Variants in PLCB1 observed in about 807,000 individuals in gnomAD.
The protein encoded by PLCB1 is 1-phosphatidylinositol 4,5-bisphosphate phosphodiesterase beta-1.
Under a neutral mutation model 161.8 loss-of-function variants are expected in PLCB1, and 46 were observed. The ratio of observed to expected loss-of-function variants is 0.28; its 90% CI spans 0.22 to 0.36. The LOEUF (loss-of-function observed/expected upper bound fraction) is 0.36, where lower values mean the gene tolerates loss of function less well. Ranked by LOEUF, PLCB1 falls within the 10% of genes least tolerant of loss-of-function variation. PLCB1 has a pLI of 1.00. For synonymous variants in PLCB1, 517 were observed against 503.7 expected, an observed-to-expected ratio of 1.03 and a Z score of -0.35; for missense variants, 1,016 against 1,472.5, an observed-to-expected ratio of 0.69 and a Z score of 5.07.
At chr20:8,571,462 A>G (rs1260985694) in intron 3 of PLCB1, among the ~76,000 whole-genome samples, 1 of 152,172 alleles carries the variant, frequency 6.6e-6, no homozygotes, top group East Asian at 1.9e-4. Flanking sequence ...AGCCGGGGTG[A>G]CCAAGTGATA....
At chr20:8,376,114 A>G (rs1463978611) in intron 3 of PLCB1, among the ~76,000 whole-genome samples, 1 of 152,192 alleles carries the variant, frequency 6.6e-6, no homozygotes, top group East Asian at 1.9e-4. Flanking sequence ...GGCTCTCCCA[A>G]CTTTAGTACA....
intron 3 of PLCB1, among the ~76,000 whole-genome samples, chr20:8,545,881 T>C (rs572147495): frequency 6.9e-4 from 105 of 152,316 alleles, no homozygotes; most frequent in African/African-American, 2.3e-3. Context: ...AGTAAGATCA[T>C]ACCAGTTTTA....
At chr20:8,500,477 T>C (rs917967815) in intron 3 of PLCB1, among the ~76,000 whole-genome samples, 7 of 152,152 alleles carry the variant, frequency 4.6e-5, no homozygotes, top group African/African-American at 1.7e-4. Flanking sequence ...ATATGAGCAA[T>C]GATGGTAGGT....
At chr20:8,436,066 C>T (rs1459822916) in intron 3 of PLCB1, among the ~76,000 whole-genome samples, 2 of 152,136 alleles carry the variant, frequency 1.3e-5, no homozygotes, top group Admixed American at 6.5e-5. Context: ...TGACCAGGCA[C>T]AGTGGCTCAC....
intron 5 of PLCB1, among the ~76,000 whole-genome samples, chr20:8,647,130 A>G (rs1192245088): frequency 6.6e-6 from 1 of 152,046 alleles, no homozygotes; most frequent in Non-Finnish European, 1.5e-5. Flanking sequence ...CTCTTCCTTC[A>G]TGCCTCCACC....
At chr20:8,821,223 G>A (rs1028435371) in intron 31 of PLCB1, among the ~76,000 whole-genome samples, 3 of 151,750 alleles carry the variant, frequency 2.0e-5, no homozygotes. Flanking sequence ...GCTCATGCCT[G>A]TAAACCCAGC....
At chr20:8,409,013 T>C (rs978083371) in intron 3 of PLCB1, among the ~76,000 whole-genome samples, 1 of 152,234 alleles carries the variant, frequency 6.6e-6, no homozygotes, top group Non-Finnish European at 1.5e-5. Context: ...GTATTCAACA[T>C]TGTAATTTAA....
chr20:8,272,144 A>G lies in PLCB1; in HGVS notation c.178-99238A>G, dbSNP rs572702648. ...GCTTAGATATGGGTGGAGGGAAAGAAAAACTGGACCCTTTAAGAATTGTGT... is the reference window on the plus strand; with the variant it reads ...GCTTAGATATGGGTGGAGGGAAAGAGAAACTGGACCCTTTAAGAATTGTGT... On this transcript the variant is annotated intron_variant, in intron 2 of 31. Transcript: ENST00000338037. 1.8e-4 allele frequency among the ~76,000 whole-genome samples: 28 copies of G among 151,848 alleles called. No homozygotes were observed. The South Asian group carries it at 5.2e-3, about 28-fold the overall frequency.
chr20:8,499,148 G>C (rs1243987635), intron 3 of PLCB1, among the ~76,000 whole-genome samples: 3 of 152,148 alleles, frequency 2.0e-5, no homozygotes, highest in Non-Finnish European at 4.4e-5. Context: ...AGCCGGATGT[G>C]GTTTTCATTC....
chr20:8,156,337 A>T (rs940037791), intron 2 of PLCB1, among the ~76,000 whole-genome samples: 1 of 152,196 alleles, frequency 6.6e-6, no homozygotes, highest in African/African-American at 2.4e-5. Flanking sequence ...CACAGTGGCA[A>T]CTGGCTTGAA....
intron 3 of PLCB1, among the ~76,000 whole-genome samples, chr20:8,396,274 G>C (rs1376626681): frequency 6.6e-6 from 1 of 152,008 alleles, no homozygotes; most frequent in Non-Finnish European, 1.5e-5. Context: ...GTGTGGCAAC[G>C]TTCACTCAAG....
At chr20:8,186,632 C>G (rs529004785) in intron 2 of PLCB1, among the ~76,000 whole-genome samples, 5 of 152,220 alleles carry the variant, frequency 3.3e-5, no homozygotes, top group African/African-American at 1.2e-4. Flanking sequence ...TCTAGTTTCT[C>G]TATTTGCCTG....
intron 31 of PLCB1, among the ~76,000 whole-genome samples, chr20:8,799,516 GT>G (rs541939793): frequency 9.9e-5 from 15 of 151,834 alleles, no homozygotes; most frequent in African/African-American, 3.1e-4. Flanking sequence ...ATGTATCTCT[GT>G]TTTTTTTAAA....
chr20:8,775,539 A>C (rs1408467129), intron 27 of PLCB1, among the ~76,000 whole-genome samples: 2 of 152,190 alleles, frequency 1.3e-5, no homozygotes, highest in Non-Finnish European at 2.9e-5. Context: ...GAGCAGCTTC[A>C]GCTTGTAAGG....
At chr20:8,430,056 A>G (rs1411881461) in intron 3 of PLCB1, among the ~76,000 whole-genome samples, 3 of 151,982 alleles carry the variant, frequency 2.0e-5, no homozygotes, top group African/African-American at 2.4e-5. Flanking sequence ...GGTAGAGACA[A>G]TGGTGCCTGA....
intron 3 of PLCB1, among the ~76,000 whole-genome samples, chr20:8,483,397 A>T (rs1982588880): frequency 6.6e-6 from 1 of 152,192 alleles, no homozygotes; most frequent in Non-Finnish European, 1.5e-5. Context: ...TATCAGCTTC[A>T]ATTATTTAAA....
chr20:8,577,273 C>CA (rs60742411), intron 3 of PLCB1, among the ~76,000 whole-genome samples: 18,459 of 126,928 alleles, frequency 0.15, 1,208 homozygotes, highest in East Asian at 0.25. Flanking sequence ...ATTAAAAATA[C>CA]AAAAAAAAAA....
At chr20:8,225,530 G>A (rs1979635290) in intron 2 of PLCB1, among the ~76,000 whole-genome samples, 1 of 152,180 alleles carries the variant, frequency 6.6e-6, no homozygotes, top group African/African-American at 2.4e-5. Context: ...GATATCTTGT[G>A]TCTTGGCATA....
rs530523026 is a variant in PLCB1, at chr20:8,668,287, T to A, written c.862+9583T>A. On this transcript the variant is annotated intron_variant, in intron 9 of 31. Coordinates refer to ENST00000338037, the MANE Select transcript of PLCB1 (RefSeq NM_015192.4). ...AGTGACCAAGGATTTCAAAAATCTCTTATGGAGATTCTGGAAGGTCTGTCT... is the reference window on the plus strand; with the variant it reads ...AGTGACCAAGGATTTCAAAAATCTCATATGGAGATTCTGGAAGGTCTGTCT... Among the ~76,000 whole-genome samples, 6 of 152,294 alleles carry A rather than the reference T, an allele frequency of 3.9e-5. No homozygotes were observed. The South Asian group carries it at 1.2e-3, about 32-fold the overall frequency.
Sources: allele counts gnomAD v4.1 joint callset (sites outside exome capture counted in the v4.1 genomes callset), GRCh38; gene constraint gnomAD v4.1.1; transcripts MANE v1.5; gene names NCBI Gene and HGNC (gene_info 2026-07-23, HGNC 2026-07-21).